Variants in SNTG1 observed in about 807,000 individuals in gnomAD.
SNTG1 encodes the protein gamma-1-syntrophin.
A neutral mutation model predicts 74.7 loss-of-function variants in SNTG1; 39 were observed. The observed-to-expected ratio is 0.52, with a 90% CI of 0.40 to 0.68. The LOEUF (loss-of-function observed/expected upper bound fraction) is 0.68, where lower values mean the gene tolerates loss of function less well. SNTG1 is among the 30% of genes least tolerant of loss of function. The probability of loss-of-function intolerance (pLI) is 0.00; values close to 1 mark genes in which losing one functional copy is unlikely to be tolerated. For missense variants in SNTG1, 685 were observed against 609.5 expected (o/e 1.12, Z -1.30); for synonymous variants, 254 against 217.1 (o/e 1.17, Z -1.49).
intron 2 of SNTG1, among the ~76,000 whole-genome samples, chr8:50,381,681 G>T (rs1252649165): frequency 9.3e-5 from 5 of 53,726 alleles, no homozygotes; most frequent in African/African-American, 1.9e-4. Context: ...TATATATATA[G>T]GATATATATA....
chr8:50,561,973 C>G (rs546866801), intron 12 of SNTG1, among the ~76,000 whole-genome samples: 3 of 152,142 alleles, frequency 2.0e-5, no homozygotes, highest in Admixed American at 6.5e-5. Context: ...TGTGAAGATT[C>G]TCGCCATCCA....
intron 9 of SNTG1, among the ~76,000 whole-genome samples, chr8:50,513,691 CG>C (rs1240552125): frequency 6.6e-6 from 1 of 152,210 alleles, no homozygotes; most frequent in East Asian, 1.9e-4. Context: ...AGTGAGGCTC[CG>C]TGGGCATAAG....
At chr8:50,107,596 G>C (rs780323264) in intron 1 of SNTG1, among the ~76,000 whole-genome samples, 1 of 151,838 alleles carries the variant, frequency 6.6e-6, no homozygotes, top group Non-Finnish European at 1.5e-5. Context: ...TGTTGGCTGG[G>C]CTGGAGTGGA....
chr8:50,202,069 T>C (rs1422121562), intron 2 of SNTG1, among the ~76,000 whole-genome samples: 1 of 152,162 alleles, frequency 6.6e-6, no homozygotes, highest in Non-Finnish European at 1.5e-5. Flanking sequence ...CAATCCTTCT[T>C]TCCAGAGTTA....
intron 15 of SNTG1, among the ~76,000 whole-genome samples, chr8:50,672,061 G>T (rs1184604269): frequency 8.7e-6 from 1 of 114,382 alleles, no homozygotes; most frequent in Admixed American, 1.0e-4. Context: ...GGGGGAGGGG[G>T]GAGGGATAGC....
At chr8:50,624,978 C>T (rs1315217004) in intron 13 of SNTG1, among the ~76,000 whole-genome samples, 1 of 152,118 alleles carries the variant, frequency 6.6e-6, no homozygotes, top group African/African-American at 2.4e-5. Flanking sequence ...TCCTGTTTTC[C>T]TTGGCACTTG....
chr8:50,688,064 G>A (rs1428349108), intron 15 of SNTG1, among the ~76,000 whole-genome samples: 2 of 152,108 alleles, frequency 1.3e-5, no homozygotes, highest in African/African-American at 4.8e-5. Context: ...CTTTTGGGAA[G>A]TGTCTGTCCA....
At chr8:50,242,114 TATATGTATACATATATACATAC>T (rs992182286) in intron 2 of SNTG1, among the ~76,000 whole-genome samples, 7 of 152,006 alleles carry the variant, frequency 4.6e-5, no homozygotes, top group African/African-American at 1.7e-4. Flanking sequence ...TATCTACATA[TATATGTATACATATATACATAC>T]ATATACATAT....
chr8:50,267,399 C>T (rs1204806706), intron 2 of SNTG1, among the ~76,000 whole-genome samples: 1 of 152,078 alleles, frequency 6.6e-6, no homozygotes, highest in African/African-American at 2.4e-5. Context: ...GGCAAATATA[C>T]ACATGAGAAG....
At chr8:50,230,598 C>A (rs1032190017) in intron 2 of SNTG1, among the ~76,000 whole-genome samples, 2 of 151,234 alleles carry the variant, frequency 1.3e-5, no homozygotes, top group Non-Finnish European at 3.0e-5. Context: ...AGGACAAGAT[C>A]GTTTCATTTG....
At chr8:50,161,206 C>T (rs754124425) in intron 1 of SNTG1, among the ~76,000 whole-genome samples, 4 of 152,128 alleles carry the variant, frequency 2.6e-5, no homozygotes, top group Non-Finnish European at 5.9e-5. Flanking sequence ...AAGATGACTT[C>T]AGCAGCAGCG....
At chr8:50,624,633 T>C (rs2094945154) in intron 13 of SNTG1, among the ~76,000 whole-genome samples, 1 of 152,162 alleles carries the variant, frequency 6.6e-6, no homozygotes, top group Non-Finnish European at 1.5e-5. Context: ...TTTATTGAGC[T>C]ATAGCACTCT....
chr8:50,617,902 G>A (rs1319088290), intron 13 of SNTG1, among the ~76,000 whole-genome samples: 2 of 152,180 alleles, frequency 1.3e-5, no homozygotes, highest in African/African-American at 4.8e-5. Context: ...CTGTCTGCTT[G>A]TGGATTTCAT....
chr8:49,950,063 G>C (rs1809566473), intron 1 of SNTG1, among the ~76,000 whole-genome samples: 1 of 152,130 alleles, frequency 6.6e-6, no homozygotes, highest in South Asian at 2.1e-4. Flanking sequence ...TGAGGCAGAG[G>C]TTTCAGTGAG....
chr8:50,386,250 G>T (rs1005107104), intron 2 of SNTG1, among the ~76,000 whole-genome samples: 3 of 152,082 alleles, frequency 2.0e-5, no homozygotes, highest in African/African-American at 7.2e-5. Context: ...CTAAAACTCC[G>T]CTGGTTACTT....
At chr8:50,712,477 T>A (rs2095464314) in intron 17 of SNTG1, among the ~76,000 whole-genome samples, 1 of 152,136 alleles carries the variant, frequency 6.6e-6, no homozygotes, top group African/African-American at 2.4e-5. Flanking sequence ...GTTTTTAGAT[T>A]CTTTTTCTTA....
At chr8:50,156,651 A>G (rs1380447841) in intron 1 of SNTG1, among the ~76,000 whole-genome samples, 2 of 152,110 alleles carry the variant, frequency 1.3e-5, no homozygotes, top group African/African-American at 4.8e-5. Context: ...ATGTATCAAG[A>G]ATAATAAAAA....
chr8:50,031,740 T>A (rs1288581295), intron 1 of SNTG1, among the ~76,000 whole-genome samples: 1 of 152,130 alleles, frequency 6.6e-6, no homozygotes, highest in Non-Finnish European at 1.5e-5. Context: ...TAATATTTTG[T>A]TAACAATTTT....
intron 1 of SNTG1, among the ~76,000 whole-genome samples, chr8:50,040,920 G>C (rs1818582957): frequency 6.6e-6 from 1 of 152,074 alleles, no homozygotes; most frequent in East Asian, 1.9e-4. Context: ...TTTTGAGACG[G>C]AGTTTTGCTC....
Sources: allele counts gnomAD v4.1 joint callset (sites outside exome capture counted in the v4.1 genomes callset), GRCh38; gene constraint gnomAD v4.1.1; transcripts MANE v1.5; gene names NCBI Gene and HGNC (gene_info 2026-07-23, HGNC 2026-07-21).